SUGCT: variants seen among roughly 807,000 people sequenced by gnomAD.
SUGCT encodes the protein succinyl-CoA:glutarate CoA-transferase.
In SUGCT, 41 loss-of-function variants were observed where a neutral mutation model predicts 55.0. The ratio of observed to expected loss-of-function variants is 0.74; its 90% CI spans 0.58 to 0.97. SUGCT has a LOEUF of 0.97. Among genes scored for constraint, SUGCT ranks in the 50% least tolerant of loss-of-function variants. The pLI is 0.00. For missense variants in SUGCT, 568 were observed against 547.8 expected (o/e 1.04, Z -0.37); for synonymous variants, 187 against 200.4 (o/e 0.93, Z 0.56).
At chr7:40,574,795 A>G (rs1796636821) in intron 12 of SUGCT, among the ~76,000 whole-genome samples, 1 of 152,198 alleles carries the variant, frequency 6.6e-6, no homozygotes, top group Admixed American at 6.5e-5. Flanking sequence ...ACCGATATTT[A>G]TTGAGCATCA....
intron 1 of SUGCT, chr7:40,153,227 G>T: frequency 2.6e-6 from 1 of 389,900 alleles, no homozygotes; most frequent in South Asian, 2.1e-5. Flanking sequence ...AGTAGGTGAT[G>T]ATTTGGCATC....
intron 7 of SUGCT, among the ~76,000 whole-genome samples, chr7:40,243,027 C>G (rs1322641877): frequency 7.3e-6 from 1 of 137,468 alleles, no homozygotes; most frequent in Non-Finnish European, 1.5e-5. Context: ...CTCAACATCC[C>G]GGGGCTCAGG....
At chr7:40,429,899 G>A (rs188659998) in intron 9 of SUGCT, among the ~76,000 whole-genome samples, 1 of 152,264 alleles carries the variant, frequency 6.6e-6, no homozygotes, top group Admixed American at 6.5e-5. Context: ...AAATTTAGAT[G>A]CCACATATTA....
At chr7:40,348,896 A>G (rs970508480) in intron 9 of SUGCT, among the ~76,000 whole-genome samples, 1 of 152,192 alleles carries the variant, frequency 6.6e-6, no homozygotes, top group Admixed American at 6.5e-5. Flanking sequence ...TATTTAAGGA[A>G]GAACATATTT....
At chr7:40,377,128 C>CTCTT (rs530455909) in intron 9 of SUGCT, among the ~76,000 whole-genome samples, 317 of 6,308 alleles carry the variant, frequency 0.05, 47 homozygotes, top group African/African-American at 0.075. Context: ...TTCAGCCTTC[C>CTCTT]TCTTTCTTTC....
intron 9 of SUGCT, among the ~76,000 whole-genome samples, chr7:40,327,344 A>C (rs926620194): frequency 2.6e-5 from 4 of 152,240 alleles, no homozygotes; most frequent in African/African-American, 9.6e-5. Flanking sequence ...GCAGTCCAGG[A>C]GCAGGTAAAA....
intron 12 of SUGCT, among the ~76,000 whole-genome samples, chr7:40,669,299 A>G (rs1486291450): frequency 6.6e-6 from 1 of 151,162 alleles, no homozygotes; most frequent in Non-Finnish European, 1.5e-5. Flanking sequence ...AGAAGGTTTA[A>G]ATAAGGTCCA....
At position 40,188,427 on chromosome 7, in the gene SUGCT, C is replaced by T. The variant is rs2150730267; in HGVS notation, c.227-68C>T. ...CCAGCCTGGGCAACAGAGCAAGACTCCATCTCCAAAAAAAAAAAAAAAAAA... is the reference window on the plus strand; with the variant it reads ...CCAGCCTGGGCAACAGAGCAAGACTTCATCTCCAAAAAAAAAAAAAAAAAA... On this transcript the variant is annotated intron_variant, in intron 3 of 13. Transcript: ENST00000335693. 33 of 1,013,862 alleles carry T rather than the reference C, an allele frequency of 3.3e-5. 3 individuals carry two copies. The South Asian group carries it at 4.8e-4, about 15-fold the overall frequency. The allele number at this position is 1,013,862 out of a possible 1,614,324, so 62.8% of individuals were successfully genotyped here.
At chr7:40,687,553 G>A (rs140231758) in intron 12 of SUGCT, among the ~76,000 whole-genome samples, 1 of 152,224 alleles carries the variant, frequency 6.6e-6, no homozygotes, top group African/African-American at 2.4e-5. Flanking sequence ...CAACCTCTGT[G>A]TTCCTTTATG....
chr7:40,223,620 T>G (rs979792247), intron 6 of SUGCT, among the ~76,000 whole-genome samples: 1 of 152,230 alleles, frequency 6.6e-6, no homozygotes, highest in African/African-American at 2.4e-5. Context: ...CCACTGTGTA[T>G]GTTTGCCTAT....
intron 12 of SUGCT, among the ~76,000 whole-genome samples, chr7:40,577,928 A>T (rs1396885216): frequency 6.6e-6 from 1 of 152,166 alleles, no homozygotes; most frequent in African/African-American, 2.4e-5. Context: ...TAAAATCAAG[A>T]CTTTAATATT....
chr7:40,679,795 C>T (rs1784159802), intron 12 of SUGCT, among the ~76,000 whole-genome samples: 1 of 152,262 alleles, frequency 6.6e-6, no homozygotes, highest in East Asian at 1.9e-4. Context: ...ATCCTCCTCC[C>T]TTTTCCAGAT....
At chr7:40,330,994 G>A (rs953221566) in intron 9 of SUGCT, among the ~76,000 whole-genome samples, 21 of 151,642 alleles carry the variant, frequency 1.4e-4, no homozygotes, top group African/African-American at 5.1e-4. Flanking sequence ...ACTTCCCTGC[G>A]CCACATTGAA....
At chr7:40,499,751 T>A (rs1444043593) in intron 12 of SUGCT, among the ~76,000 whole-genome samples, 2 of 152,220 alleles carry the variant, frequency 1.3e-5, no homozygotes, top group African/African-American at 4.8e-5. Context: ...TATCTGCATA[T>A]AGATTTTAAT....
intron 12 of SUGCT, among the ~76,000 whole-genome samples, chr7:40,640,569 T>C (rs1050226038): frequency 1.3e-5 from 2 of 152,200 alleles, no homozygotes; most frequent in Non-Finnish European, 2.9e-5. Context: ...ATTATATGGA[T>C]TGACTTTTGG....
chr7:40,377,204 T>C (rs1325834158), intron 9 of SUGCT, among the ~76,000 whole-genome samples: 2,884 of 11,768 alleles, frequency 0.25, 908 homozygotes, highest in Non-Finnish European at 0.54. Flanking sequence ...CTTTCTTTTC[T>C]TTTCTTTTCT....
chr7:40,871,650 A>G, the SUGCT span, among the ~76,000 whole-genome samples: 7 of 152,132 alleles, frequency 4.6e-5, no homozygotes, highest in South Asian at 2.1e-4. Context: ...TTTCTGCAGT[A>G]GGTCACCTTT....
At chr7:41,017,553 G>C in the SUGCT span, among the ~76,000 whole-genome samples, 83 of 152,188 alleles carry the variant, frequency 5.5e-4, no homozygotes, top group African/African-American at 2.0e-3. Flanking sequence ...GGCAGATCAC[G>C]AGGTCAGGAG....
chr7:40,669,471 A>G (rs1342184051), intron 12 of SUGCT, among the ~76,000 whole-genome samples: 1 of 152,092 alleles, frequency 6.6e-6, no homozygotes, highest in African/African-American at 2.4e-5. Flanking sequence ...AATATTTTAA[A>G]GCAGCCATAA....
Sources: gnomAD v4.1 joint callset for allele counts (sites outside exome capture counted in the v4.1 genomes callset) on GRCh38, gnomAD v4.1.1 for gene constraint, MANE v1.5 for transcripts, NCBI Gene and HGNC (gene_info 2026-07-23, HGNC 2026-07-21) for gene names.